Variants in SUSD6 observed in about 807,000 individuals in gnomAD.
SUSD6 encodes the protein sushi domain containing 6, also known as sushi domain-containing protein 6.
A neutral mutation model predicts 28.4 loss-of-function variants in SUSD6; 16 were observed. That is an observed-to-expected ratio of 0.56 (90% CI 0.38 to 0.86). SUSD6 has a LOEUF of 0.86. Among genes scored for constraint, SUSD6 ranks in the 40% least tolerant of loss-of-function variants. SUSD6 has a pLI of 0.00. For missense variants in SUSD6, 341 were observed against 384.2 expected (o/e 0.89, Z 0.94); for synonymous variants, 147 against 159.6 (o/e 0.92, Z 0.59).
At position 69,667,478 on chromosome 14, in the gene SUSD6, G is replaced by A. The variant is rs58365129; in HGVS notation, c.121+8765G>A. Among the ~76,000 whole-genome samples the A allele has an allele frequency of 3.6e-3, 522 of 145,218 alleles. 1 individual carries two copies. The highest frequency in any genetic ancestry group is 0.012 in the African/African-American group (488 of 39,244). ...TGCAAGCTCCGCCTCCTGGGTTCAC[G>A]CCATTCTCCTGTCTCAGCCTCCCGA... On this transcript the variant is annotated intron_variant, in intron 2 of 5. Coordinates refer to ENST00000342745, the MANE Select transcript of SUSD6 (RefSeq NM_014734.4).
intron 2 of SUSD6, among the ~76,000 whole-genome samples, chr14:69,698,098 C>T (rs1359095798): frequency 2.6e-5 from 4 of 152,234 alleles, no homozygotes; most frequent in East Asian, 3.9e-4. Context: ...GAGGCCGAGG[C>T]GGGCAGATCA....
At chr14:69,692,222 A>C (rs537276414) in intron 2 of SUSD6, among the ~76,000 whole-genome samples, 1 of 152,280 alleles carries the variant, frequency 6.6e-6, no homozygotes, top group African/African-American at 2.4e-5. Flanking sequence ...GCCCCACCTG[A>C]GATATGAACT....
At chr14:69,691,782 G>A (rs1429863537) in intron 2 of SUSD6, among the ~76,000 whole-genome samples, 3 of 152,148 alleles carry the variant, frequency 2.0e-5, no homozygotes, top group East Asian at 3.9e-4. Context: ...GCTCACGCCT[G>A]TAATCCCAGT....
intron 2 of SUSD6, among the ~76,000 whole-genome samples, chr14:69,695,520 T>C (rs1235817454): frequency 6.6e-6 from 1 of 152,224 alleles, no homozygotes; most frequent in Non-Finnish European, 1.5e-5. Flanking sequence ...GTATTGAAAC[T>C]GAGGCCCAGA....
At chr14:69,667,342 G>A (rs1483462129) in intron 2 of SUSD6, among the ~76,000 whole-genome samples, 1 of 148,804 alleles carries the variant, frequency 6.7e-6, no homozygotes, top group Non-Finnish European at 1.5e-5. Flanking sequence ...AAGGCTCCTT[G>A]ATAACTGTGC....
chr14:69,677,008 A>G (rs1438269575), intron 2 of SUSD6, among the ~76,000 whole-genome samples: 1 of 152,218 alleles, frequency 6.6e-6, no homozygotes, highest in Non-Finnish European at 1.5e-5. Context: ...TGCAGAAAGC[A>G]TTAGGAACCA....
intron 4 of SUSD6, among the ~76,000 whole-genome samples, chr14:69,707,084 A>T (rs941034227): frequency 2.0e-5 from 3 of 152,180 alleles, no homozygotes; most frequent in African/African-American, 7.2e-5. Flanking sequence ...GAGATGAAAG[A>T]CACAGGACAA....
chr14:69,647,965 A>G (rs1430125340), intron 1 of SUSD6, among the ~76,000 whole-genome samples: 1 of 152,210 alleles, frequency 6.6e-6, no homozygotes, highest in Non-Finnish European at 1.5e-5. Flanking sequence ...AGCCTGAGCG[A>G]CAGAGCATCT....
At chr14:69,693,315 C>A (rs1886178577) in intron 2 of SUSD6, among the ~76,000 whole-genome samples, 1 of 138,308 alleles carries the variant, frequency 7.2e-6, no homozygotes, top group South Asian at 2.3e-4. Flanking sequence ...CAGCTGGCAG[C>A]CTGTTTCCCT....
chr14:69,633,511 T>C (rs138283864), intron 1 of SUSD6, among the ~76,000 whole-genome samples: 180 of 152,354 alleles, frequency 1.2e-3, no homozygotes, highest in Non-Finnish European at 2.5e-3. Flanking sequence ...CCTCAAAGCT[T>C]TCAGGTCAGA....
At chr14:69,680,600 A>T (rs932219348) in intron 2 of SUSD6, among the ~76,000 whole-genome samples, 1 of 152,218 alleles carries the variant, frequency 6.6e-6, no homozygotes, top group Non-Finnish European at 1.5e-5. Context: ...TCTTAGCAAT[A>T]TAACCCTCAT....
intron 1 of SUSD6, among the ~76,000 whole-genome samples, chr14:69,620,761 C>A (rs1175826244): frequency 3.9e-5 from 6 of 152,152 alleles, no homozygotes; most frequent in Non-Finnish European, 8.8e-5. Context: ...ATTCCTGTTT[C>A]TTGCTTTATT....
At chr14:69,696,916 A>G (rs1566606212) in intron 2 of SUSD6, among the ~76,000 whole-genome samples, 1 of 152,240 alleles carries the variant, frequency 6.6e-6, no homozygotes, top group South Asian at 2.1e-4. Flanking sequence ...AAGAGAGTAA[A>G]GGAATAAAAG....
In SUSD6 at chr14:69,708,915, C is replaced by G; in HGVS notation, c.697C>G (p.Pro233Ala). 1.9e-6 allele frequency: 3 copies of G among 1,614,146 alleles called. No homozygotes were observed. The South Asian group carries it at 3.3e-5, about 18-fold the overall frequency. Residue 233 changes from proline to alanine, a missense_variant, in exon 5 of 6, where the codon CCA (proline) becomes GCA (alanine). By Grantham distance (27) the Pro-to-Ala change is conservative. Coordinates refer to ENST00000342745, the MANE Select transcript of SUSD6 (RefSeq NM_014734.4). Reference protein sequence around the residue: ...CSSAGGEDEAPGQSGLCEAWG... With the variant: ...CSSAGGEDEAAGQSGLCEAWG... ...CTCTGCAGGTGGAGAAGATGAGGCCCCAGGCCAGTCTGGACTATGTGAAGC... is the reference window on the plus strand; with the variant it reads ...CTCTGCAGGTGGAGAAGATGAGGCCGCAGGCCAGTCTGGACTATGTGAAGC...
At position 69,711,325 on chromosome 14, in the gene SUSD6, G is replaced by A. The variant is rs541268721; in HGVS notation, c.*346G>A. On this transcript the variant is annotated 3_prime_UTR_variant, in exon 6 of 6. Coordinates refer to ENST00000342745, the MANE Select transcript of SUSD6 (RefSeq NM_014734.4). ...GCGGCAGCCCCCACCAGCTCCTGTGGGCCTGAGTGCTGCTGTGTTTACTTG... is the reference window on the plus strand; with the variant it reads ...GCGGCAGCCCCCACCAGCTCCTGTGAGCCTGAGTGCTGCTGTGTTTACTTG... 15 of 372,456 alleles carry A rather than the reference G, an allele frequency of 4.0e-5. No homozygotes were observed. The highest frequency in any genetic ancestry group is 3.7e-4 in the South Asian group (12 of 32,680). 23.1% of individuals were successfully genotyped at this position (372,456 alleles called of 1,614,324 possible).
At chr14:69,670,409 G>A in intron 2 of SUSD6, 1 of 456,348 alleles carries the variant, frequency 2.2e-6, no homozygotes, top group Non-Finnish European at 4.4e-6. Context: ...GGAAAGTACT[G>A]CACTACACAG....
rs3048696 is a variant in SUSD6 at position 69,635,595 on chromosome 14, C to CCACACACACACA, written c.-80-22881_-80-22870dup. ...CTGCCCCCACTCCACCCAAGGCACACCACACACACACACACACACACACAC... is the reference window on the plus strand; with the variant it reads ...CTGCCCCCACTCCACCCAAGGCACACCACACACACACACACACACACACACACACACACACAC... On this transcript the variant is annotated intron_variant, in intron 1 of 5. Coordinates refer to ENST00000342745, the MANE Select transcript of SUSD6 (RefSeq NM_014734.4). Among the ~76,000 whole-genome samples, 236 of 143,610 alleles carry CCACACACACACA rather than the reference C, an allele frequency of 1.6e-3. 3 individuals are homozygous for CCACACACACACA. The Middle Eastern group carries it at 0.018, about 11-fold the overall frequency. 94.2% of individuals were successfully genotyped at this position (143,610 alleles called of 152,430 possible).
chr14:69,698,876 A>G (rs990618829), intron 2 of SUSD6, among the ~76,000 whole-genome samples: 1 of 152,174 alleles, frequency 6.6e-6, no homozygotes, highest in Admixed American at 6.5e-5. Context: ...TTCCCCCTGT[A>G]AAATTGTCTG....
chr14:69,697,536 C>T (rs990035039), intron 2 of SUSD6, among the ~76,000 whole-genome samples: 1 of 152,180 alleles, frequency 6.6e-6, no homozygotes, highest in African/African-American at 2.4e-5. Flanking sequence ...AATCAGTCAA[C>T]ATATTTTTTC....
Sources: allele counts gnomAD v4.1 joint callset (sites outside exome capture counted in the v4.1 genomes callset), GRCh38; gene constraint gnomAD v4.1.1; transcripts MANE v1.5; gene names NCBI Gene and HGNC (gene_info 2026-07-23, HGNC 2026-07-21).